The following ROBO2 variants were observed in gnomAD, a reference collection of about 807,000 sequenced individuals.
ROBO2 encodes roundabout guidance receptor 2, also known as roundabout homolog 2.
A neutral mutation model predicts 160.8 loss-of-function variants in ROBO2; 53 were observed. That is an observed-to-expected ratio of 0.33 (90% CI 0.26 to 0.41). ROBO2 has a LOEUF of 0.41. ROBO2 is among the 10% of genes least tolerant of loss of function. The pLI, the probability that ROBO2 is intolerant of heterozygous loss-of-function variation, is 1.00. For synonymous variants in ROBO2, 664 were observed against 611.7 expected (o/e 1.09, Z -1.26); for missense variants, 1,577 against 1,722.4 (o/e 0.92, Z 1.49).
intron 2 of ROBO2, among the ~76,000 whole-genome samples, chr3:76,195,189 T>G (rs1328203372): frequency 6.6e-6 from 1 of 152,096 alleles, no homozygotes; most frequent in Non-Finnish European, 1.5e-5. Flanking sequence ...ACACCTTGAG[T>G]ATTGGGGATA....
At chr3:77,018,963 A>G (rs895077104) in intron 2 of ROBO2, among the ~76,000 whole-genome samples, 75 of 152,210 alleles carry the variant, frequency 4.9e-4, no homozygotes, top group Middle Eastern at 3.4e-3. Flanking sequence ...ACCATGAAAA[A>G]ACAGCCCTCC....
At chr3:76,225,558 A>G (rs1346265841) in intron 2 of ROBO2, among the ~76,000 whole-genome samples, 1 of 152,090 alleles carries the variant, frequency 6.6e-6, no homozygotes, top group East Asian at 1.9e-4. Flanking sequence ...TTACAAAAAT[A>G]CAAAAACTTA....
In ROBO2 at chr3:76,326,500, ATATATTACATACATATATG is replaced by A. The variant is rs548637252; in HGVS notation, c.109+388909_109+388927del. On this transcript the variant is annotated intron_variant, in intron 2 of 26. Coordinates refer to the ROBO2 transcript ENST00000487694. ...ATATGTGTATTATGTTGCATAATGC[ATATATTACATACATATATG>A]TATATTACATTGCATAATGCATATA... Among the ~76,000 whole-genome samples, 506 of 152,324 alleles carry A rather than the reference ATATATTACATACATATATG, an allele frequency of 3.3e-3. 5 individuals carry two copies. Among genetic ancestry groups the A allele is most frequent in the Admixed American group, 0.024 (369 of 15,284 alleles).
At chr3:77,082,437 A>T (rs992443863) in intron 1 of ROBO2, among the ~76,000 whole-genome samples, 1 of 152,078 alleles carries the variant, frequency 6.6e-6, no homozygotes, top group Non-Finnish European at 1.5e-5. Flanking sequence ...TGTTTCTGTG[A>T]CTGATCATTG....
rs774071229 is a variant in ROBO2, at chr3:76,161,174, T to TA, written c.109+223583dup. Among the ~76,000 whole-genome samples, 333 of 146,518 alleles carry TA rather than the reference T, an allele frequency of 2.3e-3. 1 individual carries two copies. The highest frequency in any genetic ancestry group is 3.8e-3 in the African/African-American group (153 of 40,170). On this transcript the variant is annotated intron_variant, in intron 2 of 26. Coordinates refer to the ROBO2 transcript ENST00000487694. ...TCATCCTTAATCAAGACCACTTAGT[T>TA]AAAAAAAAAAATACAGTGACTCTGA... is the stretch of plus-strand genomic sequence containing the variant.
chr3:77,084,463 C>T (rs1490329790), intron 1 of ROBO2, among the ~76,000 whole-genome samples: 2 of 152,146 alleles, frequency 1.3e-5, no homozygotes, highest in African/African-American at 4.8e-5. Flanking sequence ...CTGTGTTTCA[C>T]AAAACTTATC....
chr3:76,658,690 A>G (rs1415524892), intron 2 of ROBO2, among the ~76,000 whole-genome samples: 1 of 152,200 alleles, frequency 6.6e-6, no homozygotes, highest in Non-Finnish European at 1.5e-5. Flanking sequence ...GATGCGTAGT[A>G]TTCCAAGGTG....
chr3:76,943,762 T>C (rs1442315460), intron 2 of ROBO2, among the ~76,000 whole-genome samples: 1 of 152,198 alleles, frequency 6.6e-6, no homozygotes, highest in African/African-American at 2.4e-5. Flanking sequence ...TTAGGTTAGT[T>C]TTCTTTCTTT....
chr3:77,514,815 GA>G (rs2089826974), intron 5 of ROBO2, among the ~76,000 whole-genome samples: 1 of 151,670 alleles, frequency 6.6e-6, no homozygotes, highest in African/African-American at 2.4e-5. Flanking sequence ...TATCTTGAAA[GA>G]AATCTAAGAA....
intron 2 of ROBO2, among the ~76,000 whole-genome samples, chr3:76,502,225 T>C (rs1023741800): frequency 2.0e-5 from 3 of 152,174 alleles, no homozygotes; most frequent in African/African-American, 7.2e-5. Context: ...TAGCTTTAAT[T>C]GCAGGATACA....
intron 2 of ROBO2, among the ~76,000 whole-genome samples, chr3:76,803,446 G>GGGAAGGAAGGAAGGATGGAGGGAAGGAA (rs1281553189): frequency 2.0e-5 from 3 of 146,842 alleles, no homozygotes; most frequent in Non-Finnish European, 4.5e-5. Context: ...GAAGGATGGA[G>GGGAAGGAAGGAAGGATGGAGGGAAGGAA]GGAAGGAAGG....
chr3:76,817,045 G>A (rs758568197), intron 2 of ROBO2, among the ~76,000 whole-genome samples: 1 of 151,998 alleles, frequency 6.6e-6, no homozygotes, highest in Non-Finnish European at 1.5e-5. Context: ...CACAGGGAGG[G>A]GAACATCAAA....
intron 2 of ROBO2, among the ~76,000 whole-genome samples, chr3:76,264,495 A>C (rs1429028148): frequency 6.6e-6 from 1 of 152,030 alleles, no homozygotes; most frequent in Admixed American, 6.6e-5. Flanking sequence ...CGCTTTCTTA[A>C]ATAATTAAAA....
At chr3:76,076,818 C>T (rs76657527) in intron 2 of ROBO2, among the ~76,000 whole-genome samples, 1 of 152,288 alleles carries the variant, frequency 6.6e-6, no homozygotes, top group East Asian at 1.9e-4. Context: ...CAGATTTAAA[C>T]TCTAATTAAA....
chr3:77,580,948 T>G (rs940979390), intron 16 of ROBO2, among the ~76,000 whole-genome samples: 21 of 152,286 alleles, frequency 1.4e-4, no homozygotes, highest in Admixed American at 3.9e-4. Context: ...AATTTCGTAC[T>G]CCCACCAGCA....
intron 2 of ROBO2, among the ~76,000 whole-genome samples, chr3:77,199,803 T>C (rs905313492): frequency 5.9e-4 from 88 of 150,186 alleles, no homozygotes; most frequent in Non-Finnish European, 1.3e-4. Context: ...TTTTTTTTGT[T>C]GTTTATAGAG....
chr3:76,308,809 G>A (rs964788566), intron 2 of ROBO2, among the ~76,000 whole-genome samples: 1 of 152,158 alleles, frequency 6.6e-6, no homozygotes, highest in African/African-American at 2.4e-5. Context: ...TTCCCCATCA[G>A]AGAGAGCTGT....
intron 2 of ROBO2, among the ~76,000 whole-genome samples, chr3:76,117,934 A>G (rs891517658): frequency 2.6e-5 from 4 of 152,088 alleles, no homozygotes; most frequent in African/African-American, 7.2e-5. Context: ...AGAAAGAGCA[A>G]CATTTTGCTT....
intron 13 of ROBO2, among the ~76,000 whole-genome samples, chr3:77,569,661 C>T (rs190754267): frequency 6.6e-6 from 1 of 151,970 alleles, no homozygotes. Flanking sequence ...GTTACTGTAA[C>T]CCTGTTATGT....
Sources: gnomAD v4.1 joint callset for allele counts (sites outside exome capture counted in the v4.1 genomes callset) on GRCh38, gnomAD v4.1.1 for gene constraint, MANE v1.5 for transcripts, NCBI Gene and HGNC (gene_info 2026-07-23, HGNC 2026-07-21) for gene names.